The following NUP160 variants were observed in gnomAD, a reference collection of about 807,000 sequenced individuals.
NUP160 encodes nucleoporin 160, also known as nuclear pore complex protein Nup160.
A neutral mutation model predicts 196.9 loss-of-function variants in NUP160; 94 were observed. The observed-to-expected ratio is 0.48, with a 90% CI of 0.40 to 0.57. The LOEUF is 0.57. Among genes scored for constraint, NUP160 ranks in the 20% least tolerant of loss-of-function variants. NUP160 has a pLI of 0.00. For synonymous variants in NUP160, 605 were observed against 619.7 expected, an observed-to-expected ratio of 0.98 and a Z score of 0.35; for missense variants, 1,638 against 1,748.3, an observed-to-expected ratio of 0.94 and a Z score of 1.13.
chr11:47,834,263 A>C (rs777381624), intron 7 of NUP160, among the ~76,000 whole-genome samples: 1 of 152,210 alleles, frequency 6.6e-6, no homozygotes, highest in Non-Finnish European at 1.5e-5. Flanking sequence ...ACTAATTGTA[A>C]CATGTCGAGG....
Position 47,788,218 on chromosome 11 carries a change from A to T in NUP160, c.3710T>A (p.Leu1237His), listed in dbSNP as rs199893111. Residue 1237 changes from leucine (L) to histidine (H), a missense_variant, in exon 31 of 36, where the codon CTT (leucine) becomes CAT (histidine). By Grantham distance (99) the Leu-to-His change is moderately conservative. Around this residue, in one of 3 missense-constraint regions of NUP160, gnomAD observed 1,345 missense variants for 1,470.2 expected, o/e 0.91. Transcript: ENST00000378460. ...CCCTTCAAAGACTGGCGTTAAGGGA[A>T]GCTTAAAAGTCTGACAGAGTGATAT... The T allele has an allele frequency of 8.1e-6, 13 of 1,613,846 alleles. No homozygotes were observed. Among genetic ancestry groups the T allele is most frequent in the Non-Finnish European group, 9.3e-6 (11 of 1,179,826 alleles).
At chr11:47,778,477 A>G (rs1239410121) in exon 36 of NUP160, 1 of 152,620 alleles carries the variant, frequency 6.6e-6, no homozygotes, top group African/African-American at 2.4e-5. Context: ...ATTTTTTCTT[A>G]GCTAAGAATT....
intron 22 of NUP160, 95 bp from the exon 23 acceptor site, chr11:47,802,025 AAAC>A: frequency 1.7e-6 from 2 of 1,150,498 alleles, no homozygotes; most frequent in Non-Finnish European, 2.5e-6. Context: ...GCCAAAAAAG[AAAC>A]AAGATTACTT....
intron 34 of NUP160, among the ~76,000 whole-genome samples, chr11:47,781,531 T>G (rs1302303314): frequency 6.6e-6 from 1 of 152,164 alleles, no homozygotes; most frequent in Non-Finnish European, 1.5e-5. Flanking sequence ...CCGAAAGTGC[T>G]AGGATTACAG....
exon 31 of NUP160, chr11:47,788,230 T>G (rs2097665797): frequency 6.2e-7 from 1 of 1,613,906 alleles, no homozygotes; most frequent in Non-Finnish European, 8.5e-7. Context: ...CTTAAAAGTC[T>G]GACAGAGTGA....
intron 18 of NUP160, among the ~76,000 whole-genome samples, chr11:47,807,943 A>T (rs1459275487): frequency 6.6e-6 from 1 of 152,234 alleles, no homozygotes; most frequent in African/African-American, 2.4e-5. Flanking sequence ...GGCACCAAAA[A>T]GCTCTCTGAA....
chr11:47,807,243 GC>G, intron 18 of NUP160, 103 bp from the exon 19 acceptor site: 2 of 697,238 alleles, frequency 2.9e-6, no homozygotes, highest in Non-Finnish European at 2.4e-6. Flanking sequence ...TTAATAAATT[GC>G]ACATAAAAGC....
At chr11:47,815,923 T>TTCTTTC in intron 12 of NUP160, 23 bp downstream of exon 12, 1 of 1,573,696 alleles carries the variant, frequency 6.4e-7, no homozygotes, top group Admixed American at 1.7e-5. Flanking sequence ...GGAATTCTTA[T>TTCTTTC]TCTTTCTCTA....
intron 25 of NUP160, 28 bp downstream of exon 25, chr11:47,798,140 T>A: frequency 6.4e-7 from 1 of 1,573,490 alleles, no homozygotes; most frequent in South Asian, 1.1e-5. Flanking sequence ...TGGTAAATTG[T>A]CTTCTCTAAA....
chr11:47,832,035 G>A (rs1852087711), intron 7 of NUP160, among the ~76,000 whole-genome samples: 1 of 151,338 alleles, frequency 6.6e-6, no homozygotes, highest in Admixed American at 6.6e-5. Flanking sequence ...CTGAGCAGCT[G>A]GGACTACAGG....
At chr11:47,821,387 TTA>T (rs1851853681) in intron 9 of NUP160, 2 of 166,656 alleles carry the variant, frequency 1.2e-5, no homozygotes, top group Non-Finnish European at 2.4e-5. Context: ...AGATAGAGTC[TTA>T]CTCTGTTGCC....
chr11:47,788,644 A>C, intron 29 of NUP160, 33 bp from the exon 30 acceptor site: 1 of 1,382,206 alleles, frequency 7.2e-7, no homozygotes, highest in Non-Finnish European at 1.0e-6. Context: ...TTGAACTCCC[A>C]AAATACAAAG....
chr11:47,803,926 C>T (rs2097675922), intron 21 of NUP160, among the ~76,000 whole-genome samples: 2 of 152,180 alleles, frequency 1.3e-5, no homozygotes, highest in South Asian at 2.1e-4. Context: ...TGGCTCATGC[C>T]TGTAATCCCA....
At chr11:47,780,034 A>G (rs1397780901) in intron 35 of NUP160, among the ~76,000 whole-genome samples, 8 of 152,136 alleles carry the variant, frequency 5.3e-5, no homozygotes, top group Admixed American at 5.2e-4. Flanking sequence ...CCGGCCTATC[A>G]TTGCTGTATT....
chr11:47,821,675 A>G, intron 9 of NUP160, 49 bp downstream of exon 9: 1 of 1,392,476 alleles, frequency 7.2e-7, no homozygotes, highest in Non-Finnish European at 1.0e-6. Flanking sequence ...TCTTCTTAGC[A>G]TGAAATTGCT....
chr11:47,813,315 C>A lies in NUP160; in HGVS notation c.1786+1G>T. 1 of 1,565,302 alleles carries A rather than the reference C, an allele frequency of 6.4e-7. No homozygotes were observed. The highest frequency in any genetic ancestry group is 1.7e-5 in the Admixed American group (1 of 59,908). ...AATATGGACATAACAATTACTATTACCATCAGATATGGTTGTCTCATCTTC... is the reference window on the plus strand; with the variant it reads ...AATATGGACATAACAATTACTATTAACATCAGATATGGTTGTCTCATCTTC... On this transcript the variant is annotated splice_donor_variant, in intron 14 of 35. Transcript: ENST00000378460. LOFTEE classifies it high-confidence loss of function.
chr11:47,832,703 TTTGAG>T (rs1371285418), intron 7 of NUP160, among the ~76,000 whole-genome samples: 4 of 152,234 alleles, frequency 2.6e-5, no homozygotes, highest in African/African-American at 4.8e-5. Flanking sequence ...GCTGATCTGA[TTTGAG>T]TTAACAGTAA....
At chr11:47,798,501 A>T in intron 23 of NUP160, 38 bp from the exon 24 acceptor site, 2 of 1,144,870 alleles carry the variant, frequency 1.7e-6, no homozygotes, top group Non-Finnish European at 2.6e-6. Context: ...TAAAATTAAT[A>T]TTGTAATGTA....
chr11:47,804,695 A>G lies in NUP160; in HGVS notation c.2607-77T>C, dbSNP rs1186254153. On this transcript the variant is annotated intron_variant, in intron 20 of 35. Transcript: ENST00000378460. ...TATACATTGGGCATCAAATTCAGAA[A>G]AGTCCATAAAATAGCTTAATTTACA... is the stretch of plus-strand genomic sequence containing the variant. 3 of 962,400 alleles carry G rather than the reference A, an allele frequency of 3.1e-6. No homozygotes were observed. The African/African-American group carries it at 5.1e-5, about 16-fold the overall frequency. The allele number at this position is 962,400 out of a possible 1,614,324, so 59.6% of individuals were successfully genotyped here.
Sources: allele counts gnomAD v4.1 joint callset (sites outside exome capture counted in the v4.1 genomes callset), GRCh38; gene constraint gnomAD v4.1.1; regional missense constraint gnomAD v4.1.1; transcripts MANE v1.5; gene names NCBI Gene and HGNC (gene_info 2026-07-23, HGNC 2026-07-21).